ZNF8: variants seen among roughly 807,000 people sequenced by gnomAD.
The protein encoded by ZNF8 is zinc finger protein 272.
Under a neutral mutation model 12.2 loss-of-function variants are expected in ZNF8, and 9 were observed. The ratio of observed to expected loss-of-function variants is 0.73; its 90% CI spans 0.44 to 1.28. The LOEUF is 1.28. ZNF8 is among the 50% of genes most tolerant of loss of function. The pLI is 0.00. For synonymous variants in ZNF8, 274 were observed against 282.3 expected (o/e 0.97, Z 0.30); for missense variants, 664 against 729.1 (o/e 0.91, Z 1.03).
In ZNF8 at chr19:58,286,171, G is replaced by A. The variant is rs781369148; in HGVS notation, c.255G>A (p.Val85=). 6.2e-7 allele frequency: 1 copy of A among 1,613,560 alleles called. No individual in the cohort carries two copies. Among genetic ancestry groups the A allele is most frequent in the Non-Finnish European group, 8.5e-7 (1 of 1,179,932 alleles). Residue 85 remains valine, a synonymous_variant, in exon 3 of 4, where the codon GTG becomes GTA. Transcript: ENST00000621650. ...TGGAGCAAGGGACCGAGCTATGGGT[G>A]GCTGAGAGAGGAACCACCCAGGGCT... The part of the protein sequence containing the change: ...SQLEQGTELW[V]AERGTTQGCH...
chr19:58,285,024 G>T (rs950225252), intron 1 of ZNF8, among the ~76,000 whole-genome samples: 3 of 152,126 alleles, frequency 2.0e-5, no homozygotes, highest in Non-Finnish European at 4.4e-5. Flanking sequence ...CCACTCATAG[G>T]TAAGTGTCCT....
At chr19:58,281,732 T>C (rs1431455601) in intron 1 of ZNF8, among the ~76,000 whole-genome samples, 2 of 152,190 alleles carry the variant, frequency 1.3e-5, no homozygotes, top group Non-Finnish European at 2.9e-5. Flanking sequence ...TGTTTCCTAT[T>C]AGAGCCACCT....
chr19:58,279,574 T>A (rs971590510), intron 1 of ZNF8: 9 of 1,526,816 alleles, frequency 5.9e-6, no homozygotes, highest in Non-Finnish European at 7.0e-6. Context: ...ACGCGTGGAG[T>A]CAGCGGACAC....
chr19:58,289,294 G>C (rs1366839716), intron 3 of ZNF8, among the ~76,000 whole-genome samples: 1 of 152,006 alleles, frequency 6.6e-6, no homozygotes, highest in Non-Finnish European at 1.5e-5. Flanking sequence ...CCAGGAGTTC[G>C]AGACTAGCCT....
rs1016403835 is a variant in ZNF8, at chr19:58,300,265, C to T, written c.*4729C>T. On this transcript the variant is annotated 3_prime_UTR_variant, in exon 4 of 4. Transcript: ENST00000621650. The stretch of plus-strand genomic sequence containing the variant: ...TGGCTTAAACAGATGAGGCTTTGTT[C>T]AAAGGCTGTCTTTTCAGTGGCTCAG... The T allele has an allele frequency of 6.6e-6, 1 of 152,188 alleles. No homozygotes were observed. Among genetic ancestry groups the T allele is most frequent in the African/African-American group, 2.4e-5 (1 of 41,436 alleles). The allele number at this position is 152,188 out of a possible 1,614,324, so 9.4% of individuals were successfully genotyped here. A position where few individuals can be genotyped will look rare whatever the true frequency, so the allele number is the denominator to read the frequency against.
At chr19:58,284,701 T>G (rs2051372187) in intron 1 of ZNF8, among the ~76,000 whole-genome samples, 1 of 151,932 alleles carries the variant, frequency 6.6e-6, no homozygotes, top group Admixed American at 6.6e-5. Flanking sequence ...ATACAAAAAT[T>G]AGCCGGGCGT....
At position 58,296,924 on chromosome 19, in the gene ZNF8, A is replaced by T. The variant is rs2051459334; in HGVS notation, c.*1388A>T. On this transcript the variant is annotated 3_prime_UTR_variant, in exon 4 of 4. Coordinates refer to ENST00000621650, the MANE Select transcript of ZNF8 (RefSeq NM_021089.3). The stretch of plus-strand genomic sequence containing the variant: ...ACCTGGGTATAAACCCAGCCCAGAA[A>T]TGTAGCTGACATTTTTAAAACTTGC... 1 of 152,146 alleles carries T rather than the reference A, an allele frequency of 6.6e-6. No individual in the cohort carries two copies. Among genetic ancestry groups the T allele is most frequent in the Non-Finnish European group, 1.5e-5 (1 of 68,050 alleles). The allele number at this position is 152,146 out of a possible 1,614,324, so 9.4% of individuals were successfully genotyped here.
chr19:58,291,533 A>G (rs2051419584), intron 3 of ZNF8, among the ~76,000 whole-genome samples: 1 of 152,102 alleles, frequency 6.6e-6, no homozygotes, highest in African/African-American at 2.4e-5. Flanking sequence ...GTTGTCTCTC[A>G]GGCAGTCTCC....
rs991611935 is a variant in ZNF8, at chr19:58,278,968, C to G, written c.-114C>G. 12 of 1,265,108 alleles carry G rather than the reference C, an allele frequency of 9.5e-6. No homozygotes were observed. Among genetic ancestry groups the G allele is most frequent in the Admixed American group, 3.5e-5 (1 of 28,616 alleles). The allele number at this position is 1,265,108 out of a possible 1,614,324, so 78.4% of individuals were successfully genotyped here. On this transcript the variant is annotated 5_prime_UTR_variant, in exon 1 of 4. Transcript: ENST00000621650. The stretch of plus-strand genomic sequence containing the variant: ...CTACTGGGAGTTGTAGTCGCCGCGT[C>G]GCCGGTGCGGCCGCCATTGTCCGGC...
In ZNF8 at chr19:58,295,521, C is replaced by T. The variant is rs73941810; in HGVS notation, c.1713C>T (p.Ile571=). 1.6e-4 allele frequency: 257 copies of T among 1,601,342 alleles called. 1 individual carries two copies. In the African/African-American group the frequency reaches 3.1e-3, roughly 19 times the overall value. ...TGGGTGCTTCCATGTTATTTGACAT[C>T]AGAGAATCCACATAGGAGAGAAACT... ...PSVGASMLFD[I]REST is the part of the protein sequence containing the mutation. Residue 571 remains isoleucine, a synonymous_variant, in exon 4 of 4, where the codon ATC becomes ATT. Coordinates refer to ENST00000621650, the MANE Select transcript of ZNF8 (RefSeq NM_021089.3).
intron 3 of ZNF8, 116 bp downstream of exon 3, chr19:58,286,321 G>T: frequency 1.2e-6 from 1 of 800,910 alleles, no homozygotes; most frequent in Admixed American, 2.2e-5. Flanking sequence ...TTCACTAGGA[G>T]TATACAGGAC....
intron 3 of ZNF8, 197 bp downstream of exon 3, chr19:58,286,402 G>T: frequency 2.0e-6 from 1 of 495,036 alleles, no homozygotes; most frequent in South Asian, 2.5e-5. Flanking sequence ...GTGGGGATAA[G>T]TTCAGAGGAA....
chr19:58,279,351 C>T, intron 1 of ZNF8: 1 of 1,465,154 alleles, frequency 6.8e-7, no homozygotes, highest in Non-Finnish European at 9.0e-7. Flanking sequence ...CGCCTGGCCC[C>T]CGAATGCGCA....
At chr19:58,291,735 G>A (rs2147959430) in intron 3 of ZNF8, among the ~76,000 whole-genome samples, 1 of 152,360 alleles carries the variant, frequency 6.6e-6, no homozygotes, top group East Asian at 1.9e-4. Context: ...GGGAGGGCAA[G>A]ATGGGGTGCT....
At chr19:58,287,337 CTTT>C (rs35511685) in intron 3 of ZNF8, among the ~76,000 whole-genome samples, 4 of 117,802 alleles carry the variant, frequency 3.4e-5, no homozygotes, top group Non-Finnish European at 3.4e-5. Context: ...CCATGCCCAG[CTTT>C]TTTTTTTTTT....
At chr19:58,282,866 A>G (rs950912774) in intron 1 of ZNF8, among the ~76,000 whole-genome samples, 2 of 151,998 alleles carry the variant, frequency 1.3e-5, no homozygotes, top group African/African-American at 4.8e-5. Flanking sequence ...GAGCTCAGGC[A>G]ATCCACTCGT....
At chr19:58,281,093 A>G (rs1428702835) in intron 1 of ZNF8, among the ~76,000 whole-genome samples, 2 of 152,214 alleles carry the variant, frequency 1.3e-5, no homozygotes, top group African/African-American at 4.8e-5. Flanking sequence ...GGAGGCCATT[A>G]TATATCTCAG....
At chr19:58,292,884 G>A (rs756980682) in intron 3 of ZNF8, among the ~76,000 whole-genome samples, 60 of 150,962 alleles carry the variant, frequency 4.0e-4, no homozygotes, top group Non-Finnish European at 6.8e-4. Flanking sequence ...GAACATTAGT[G>A]TATAAATTTT....
intron 3 of ZNF8, among the ~76,000 whole-genome samples, chr19:58,287,801 A>AT (rs1317838175): frequency 8.8e-5 from 10 of 113,486 alleles, no homozygotes; most frequent in Non-Finnish European, 1.6e-4. Flanking sequence ...GATTTTTTTG[A>AT]TTTTTTTCTT....
Sources: gnomAD v4.1 joint callset for allele counts (sites outside exome capture counted in the v4.1 genomes callset) on GRCh38, gnomAD v4.1.1 for gene constraint, MANE v1.5 for transcripts, NCBI Gene and HGNC (gene_info 2026-07-23, HGNC 2026-07-21) for gene names.